The following MAGI1 variants were observed in gnomAD, a reference collection of about 807,000 sequenced individuals.
The protein encoded by MAGI1 is membrane-associated guanylate kinase, WW and PDZ domain-containing protein 1.
MAGI1 carries 58 observed loss-of-function variants against 139.9 expected under a neutral mutation model. That is an observed-to-expected ratio of 0.41 (90% CI 0.34 to 0.52). The LOEUF is 0.52. Ranked by LOEUF, MAGI1 falls within the 20% of genes least tolerant of loss-of-function variation. The pLI, the probability that MAGI1 is intolerant of heterozygous loss-of-function variation, is 0.12. For missense variants in MAGI1, 1,874 were observed against 1,901.6 expected, an observed-to-expected ratio of 0.99 and a Z score of 0.27; for synonymous variants, 812 against 737.9, an observed-to-expected ratio of 1.10 and a Z score of -1.63.
intron 1 of MAGI1, among the ~76,000 whole-genome samples, chr3:65,766,168 T>C (rs1399667107): frequency 2.6e-5 from 4 of 152,204 alleles, no homozygotes; most frequent in Admixed American, 6.5e-5. Flanking sequence ...AAGGCACAAG[T>C]CAACAAACTA....
intron 2 of MAGI1, among the ~76,000 whole-genome samples, chr3:65,500,659 C>T (rs2077045117): frequency 6.6e-6 from 1 of 152,146 alleles, no homozygotes; most frequent in South Asian, 2.1e-4. Context: ...AGCCATTTCC[C>T]ACTGCTTCAC....
At chr3:66,017,197 A>C (rs2107532446) in intron 1 of MAGI1, among the ~76,000 whole-genome samples, 1 of 152,370 alleles carries the variant, frequency 6.6e-6, no homozygotes, top group African/African-American at 2.4e-5. Context: ...TGAAGTGCCA[A>C]GTTGCACTGC....
chr3:65,514,958 A>G (rs902995301), intron 2 of MAGI1, among the ~76,000 whole-genome samples: 29 of 150,194 alleles, frequency 1.9e-4, no homozygotes, highest in African/African-American at 7.1e-4. Flanking sequence ...GCAAATATAC[A>G]CCATGGAGTA....
chr3:65,764,053 C>T (rs577425298), intron 1 of MAGI1, among the ~76,000 whole-genome samples: 1 of 129,304 alleles, frequency 7.7e-6, no homozygotes, highest in Non-Finnish European at 1.6e-5. Context: ...GCATGGATGA[C>T]AGAACAAGAC....
At chr3:65,706,521 C>T (rs1275145998) in intron 1 of MAGI1, among the ~76,000 whole-genome samples, 1 of 152,172 alleles carries the variant, frequency 6.6e-6, no homozygotes, top group Non-Finnish European at 1.5e-5. Flanking sequence ...AGCCAAAGTC[C>T]TCTCTCTCAA....
In MAGI1 at chr3:65,356,737, C is replaced by T. The variant is rs764756034; in HGVS notation, c.4030G>A (p.Glu1344Lys). Reference sequence around the variant, plus strand: ...TCCGGAGAGACGTCTCGTCTCTTCTCGTGCTTCTCCCTCCTCTCCAAAGTG... The same window carrying T: ...TCCGGAGAGACGTCTCGTCTCTTCTTGTGCTTCTCCCTCCTCTCCAAAGTG... ...DNTLERREKH[E>K]KRRDVSPERR... Residue 1344 changes from glutamate (E) to lysine (K), a missense_variant, in exon 23 of 23, where the codon GAG becomes AAG. Physicochemically the swap from Glu to Lys is moderately conservative, Grantham distance 56. This residue lies in a region of MAGI1 where 653 missense variants were observed against 644.5 expected (regional missense o/e 1.01). Transcript: ENST00000402939. 8.1e-6 allele frequency: 13 copies of T among 1,595,964 alleles called. No individual in the cohort carries two copies. The highest frequency in any genetic ancestry group is 7.7e-6 in the Non-Finnish European group (9 of 1,171,706).
chr3:65,611,933 C>T (rs1339601329), intron 2 of MAGI1, among the ~76,000 whole-genome samples: 1 of 151,778 alleles, frequency 6.6e-6, no homozygotes, highest in East Asian at 1.9e-4. Context: ...AAGATTTCTA[C>T]AAGTATTCAA....
intron 1 of MAGI1, among the ~76,000 whole-genome samples, chr3:65,830,805 C>T (rs1347699557): frequency 6.6e-6 from 1 of 152,068 alleles, no homozygotes; most frequent in Non-Finnish European, 1.5e-5. Flanking sequence ...AACAATGGGA[C>T]CTCCATTGTT....
At chr3:65,929,421 A>T (rs960977051) in intron 1 of MAGI1, among the ~76,000 whole-genome samples, 1 of 151,524 alleles carries the variant, frequency 6.6e-6, no homozygotes, top group Non-Finnish European at 1.5e-5. Flanking sequence ...GCTTACTGCA[A>T]CCTCCACCTC....
chr3:65,520,024 A>G (rs2107796414), intron 2 of MAGI1, among the ~76,000 whole-genome samples: 1 of 152,272 alleles, frequency 6.6e-6, no homozygotes, highest in Non-Finnish European at 1.5e-5. Flanking sequence ...GGAGAGACCC[A>G]CAAGGAGAAA....
chr3:65,825,524 G>C (rs1366324247), intron 1 of MAGI1, among the ~76,000 whole-genome samples: 2 of 152,122 alleles, frequency 1.3e-5, no homozygotes, highest in African/African-American at 4.8e-5. Context: ...TAGAGAGTCA[G>C]TAGTTAAATA....
chr3:65,622,396 CTA>C (rs2083730322), intron 1 of MAGI1, among the ~76,000 whole-genome samples: 1 of 152,130 alleles, frequency 6.6e-6, no homozygotes, highest in Admixed American at 6.5e-5. Flanking sequence ...CTTGCAGACA[CTA>C]TTACTAGAAG....
intron 22 of MAGI1, chr3:65,360,409 TATC>T: frequency 1.0e-6 from 1 of 970,700 alleles, no homozygotes; most frequent in Non-Finnish European, 1.2e-6. Flanking sequence ...ACATAATTAT[TATC>T]ATATACAATA....
At chr3:65,804,304 C>G (rs1355590601) in intron 1 of MAGI1, among the ~76,000 whole-genome samples, 1 of 150,220 alleles carries the variant, frequency 6.7e-6, no homozygotes, top group Non-Finnish European at 1.5e-5. Context: ...ACAGTGACAT[C>G]AGAACATTAA....
intron 18 of MAGI1, among the ~76,000 whole-genome samples, chr3:65,371,507 G>C (rs1443153158): frequency 6.6e-6 from 1 of 152,188 alleles, no homozygotes; most frequent in Non-Finnish European, 1.5e-5. Flanking sequence ...GTTGATGCCT[G>C]CTGACTGATC....
intron 1 of MAGI1, among the ~76,000 whole-genome samples, chr3:66,012,995 GC>G (rs773085592): frequency 1.3e-5 from 2 of 152,162 alleles, no homozygotes; most frequent in Non-Finnish European, 2.9e-5. Flanking sequence ...TTTGCATGTA[GC>G]TCATTTAATC....
rs192296333 is a variant in MAGI1 at position 65,747,473 on chromosome 3, T to C, written c.314-125385A>G. Among the ~76,000 whole-genome samples the C allele has an allele frequency of 9.8e-4, 149 of 152,238 alleles. No individual in the cohort carries two copies. In the Middle Eastern group the frequency reaches 0.014, roughly 14 times the overall value. ...TTCTAGAAACTATTTCTTTAAAAAA[T>C]ATTACTTATGTTAATACATAATAGG... On this transcript the variant is annotated intron_variant, in intron 1 of 22. Coordinates refer to ENST00000402939, the MANE Select transcript of MAGI1 (RefSeq NM_001033057.2).
chr3:65,909,447 C>A (rs1283482776), intron 1 of MAGI1, among the ~76,000 whole-genome samples: 6 of 152,238 alleles, frequency 3.9e-5, no homozygotes, highest in Non-Finnish European at 8.8e-5. Context: ...GGTGGGAGGA[C>A]TGGCTTGAGC....
At chr3:65,932,717 T>C (rs1275964649) in intron 1 of MAGI1, among the ~76,000 whole-genome samples, 1 of 151,852 alleles carries the variant, frequency 6.6e-6, no homozygotes, top group Non-Finnish European at 1.5e-5. Context: ...ACCTCGTAGA[T>C]GGAAAATCAG....
Sources: gnomAD v4.1 joint callset for allele counts (sites outside exome capture counted in the v4.1 genomes callset) on GRCh38, gnomAD v4.1.1 for gene constraint, gnomAD v4.1.1 regional missense constraint, MANE v1.5 for transcripts, NCBI Gene and HGNC (gene_info 2026-07-23, HGNC 2026-07-21) for gene names.